Variants in RHEX observed in about 807,000 individuals in gnomAD.
The protein encoded by RHEX is regulator of hemoglobinization and erythroid cell expansion.
A neutral mutation model predicts 20.1 loss-of-function variants in RHEX; 18 were observed. The ratio of observed to expected loss-of-function variants is 0.90; its 90% CI spans 0.62 to 1.33. The LOEUF is 1.33. Ranked by LOEUF, RHEX falls within the 40% of genes most tolerant of loss-of-function variation. RHEX has a pLI of 0.00. For missense variants in RHEX, 192 were observed against 214.3 expected (o/e 0.90, Z 0.65); for synonymous variants, 87 against 77.1 (o/e 1.13, Z -0.67).
intron 1 of RHEX, among the ~76,000 whole-genome samples, chr1:206,059,726 T>TA (rs1553283106): frequency 6.6e-6 from 1 of 152,160 alleles, no homozygotes; most frequent in African/African-American, 2.4e-5. Flanking sequence ...ATGGGAGGGT[T>TA]TAAGATTCCT....
chr1:206,058,178 C>T (rs1454133764), intron 1 of RHEX, among the ~76,000 whole-genome samples: 1 of 152,246 alleles, frequency 6.6e-6, no homozygotes, highest in Non-Finnish European at 1.5e-5. Context: ...TGGTTCCCAG[C>T]AATAGGTGGA....
At chr1:206,056,703 G>C (rs1662201089) in intron 1 of RHEX, among the ~76,000 whole-genome samples, 1 of 152,224 alleles carries the variant, frequency 6.6e-6, no homozygotes, top group South Asian at 2.1e-4. Context: ...ACAGAAGAAA[G>C]AGGGGTCCCC....
chr1:206,071,546 C>CAAAAAAAAAAAAAAAAAGA (rs1662529079), intron 1 of RHEX, among the ~76,000 whole-genome samples: 1 of 95,896 alleles, frequency 1.0e-5, no homozygotes, highest in Non-Finnish European at 2.3e-5. Flanking sequence ...GTTGAAAATG[C>CAAAAAAAAAAAAAAAAAGA]AAAAAAAAAA....
At chr1:206,084,770 T>C (rs548521972) in intron 1 of RHEX, among the ~76,000 whole-genome samples, 53 of 152,202 alleles carry the variant, frequency 3.5e-4, no homozygotes, top group African/African-American at 1.2e-3. Context: ...ACTCAAAAAT[T>C]GTTACGAATT....
intron 1 of RHEX, among the ~76,000 whole-genome samples, chr1:206,062,983 G>A (rs1391346635): frequency 6.6e-6 from 1 of 152,182 alleles, no homozygotes; most frequent in Non-Finnish European, 1.5e-5. Context: ...ATGTCAGATG[G>A]TGGGATGTGC....
At chr1:206,073,082 C>G (rs1177126357) in intron 1 of RHEX, among the ~76,000 whole-genome samples, 1 of 152,118 alleles carries the variant, frequency 6.6e-6, no homozygotes, top group Non-Finnish European at 1.5e-5. Flanking sequence ...AAGCAATCCA[C>G]CTACCTTGGC....
At chr1:206,098,440 C>T in intron 3 of RHEX, 1 of 435,694 alleles carries the variant, frequency 2.3e-6, no homozygotes, top group Non-Finnish European at 4.2e-6. Flanking sequence ...GACCTTCTGC[C>T]TAGACACAGC....
chr1:206,071,840 C>T (rs1399484292), intron 1 of RHEX, among the ~76,000 whole-genome samples: 2 of 147,192 alleles, frequency 1.4e-5, no homozygotes, highest in Non-Finnish European at 3.0e-5. Context: ...CAAAGTGAGA[C>T]GCCCCCTGTC....
intron 1 of RHEX, among the ~76,000 whole-genome samples, chr1:206,090,276 G>C (rs1287947305): frequency 7.0e-6 from 1 of 143,038 alleles, no homozygotes; most frequent in Non-Finnish European, 1.5e-5. Flanking sequence ...GCACAATCTC[G>C]GCTCACTGCA....
At chr1:206,101,471 CAA>C (rs782311394) in intron 5 of RHEX, among the ~76,000 whole-genome samples, 4 of 152,196 alleles carry the variant, frequency 2.6e-5, no homozygotes, top group Non-Finnish European at 5.9e-5. Context: ...TTGTTGGGCT[CAA>C]GTCTGCTCTG....
chr1:206,091,843 A>G (rs1304020359), intron 1 of RHEX, among the ~76,000 whole-genome samples: 2 of 152,032 alleles, frequency 1.3e-5, no homozygotes, highest in African/African-American at 4.8e-5. Flanking sequence ...TGATATTACC[A>G]TATATATATA....
chr1:206,101,729 C>T (rs1313266800), intron 5 of RHEX, 23 bp from the exon 6 acceptor site: 7 of 1,588,860 alleles, frequency 4.4e-6, no homozygotes, highest in Non-Finnish European at 6.0e-6. Flanking sequence ...TCTTGACCCA[C>T]ATGTCTCTGC....
chr1:206,101,237 G>T (rs782231904), intron 5 of RHEX, 40 bp downstream of exon 5: 1 of 1,508,852 alleles, frequency 6.6e-7, no homozygotes, highest in South Asian at 1.2e-5. Context: ...AACATATGCA[G>T]TCTGGGGATC....
chr1:206,057,456 T>G (rs1315456895), intron 1 of RHEX, among the ~76,000 whole-genome samples: 1 of 152,282 alleles, frequency 6.6e-6, no homozygotes, highest in African/African-American at 2.4e-5. Flanking sequence ...AGCTGTATAA[T>G]GGTACCACAA....
chr1:206,099,369 A>T (rs1212392621), intron 3 of RHEX, among the ~76,000 whole-genome samples: 1 of 150,952 alleles, frequency 6.6e-6, no homozygotes, highest in African/African-American at 2.4e-5. Flanking sequence ...CCCAGGCTTG[A>T]GTGCAGTGGC....
chr1:206,099,719 C>T lies in RHEX; in HGVS notation c.177C>T (p.His59=), dbSNP rs782532306. Reference sequence around the variant, plus strand: ...AGGTTCCCAGGCCCAGCCCTGGCCACCATCATCCACCTGCTGTCAAAGAGA... The same window carrying T: ...AGGTTCCCAGGCCCAGCCCTGGCCATCATCATCCACCTGCTGTCAAAGAGA... The part of the protein sequence containing the change: ...SLQVPRPSPG[H]HHPPAVKEMK... Residue 59 remains histidine (H), a synonymous_variant, in exon 4 of 6, where the codon CAC becomes CAT. Transcript: ENST00000331555. 1 of 1,614,062 alleles carries T rather than the reference C, an allele frequency of 6.2e-7. No homozygotes were observed. The highest frequency in any genetic ancestry group is 2.2e-5 in the East Asian group (1 of 44,884).
intron 1 of RHEX, among the ~76,000 whole-genome samples, chr1:206,074,443 A>G (rs28575679): frequency 0.25 from 38,098 of 152,182 alleles, 7,601 homozygotes; most frequent in African/African-American, 0.55. Flanking sequence ...ACTGGCCATC[A>G]TAGCAAAGCA....
At chr1:206,064,578 G>A (rs1178692554) in intron 1 of RHEX, among the ~76,000 whole-genome samples, 1 of 100,944 alleles carries the variant, frequency 9.9e-6, no homozygotes, top group African/African-American at 3.9e-5. Flanking sequence ...GGTGAGGGGC[G>A]CCTCTGCCCG....
Position 206,071,546 on chromosome 1 carries a change from CAAA to C in RHEX, c.-97+18297_-97+18299del, listed in dbSNP as rs35408708. Among the ~76,000 whole-genome samples, 235 of 95,874 alleles carry C rather than the reference CAAA, an allele frequency of 2.5e-3. 1 individual carries two copies. Among genetic ancestry groups the C allele is most frequent in the African/African-American group, 4.8e-3 (143 of 29,694 alleles). 62.9% of individuals were successfully genotyped at this position (95,874 alleles called of 152,430 possible). The stretch of plus-strand genomic sequence containing the variant: ...AAACTATAAGATGCTGTTGAAAATG[CAAA>C]AAAAAAAAAAAAAAAGGCATTGAGC... On this transcript the variant is annotated intron_variant, in intron 1 of 5. Coordinates refer to ENST00000331555, the MANE Select transcript of RHEX (RefSeq NM_001007544.4).
Sources: gnomAD v4.1 joint callset for allele counts (sites outside exome capture counted in the v4.1 genomes callset) on GRCh38, gnomAD v4.1.1 for gene constraint, MANE v1.5 for transcripts, NCBI Gene and HGNC (gene_info 2026-07-23, HGNC 2026-07-21) for gene names.